Variants in MAF observed in about 807,000 individuals in gnomAD.
MAF encodes the protein transcription factor Maf.
MAF carries 10 observed loss-of-function variants against 22.0 expected under a neutral mutation model. That is an observed-to-expected ratio of 0.45 (90% confidence interval 0.28 to 0.77). The LOEUF (loss-of-function observed/expected upper bound fraction) is 0.77. Among genes scored for constraint, MAF ranks in the 30% least tolerant of loss-of-function variants. The probability of loss-of-function intolerance (pLI) is 0.12; values close to 1 mark genes in which losing one functional copy is unlikely to be tolerated. For synonymous variants in MAF, 337 were observed against 255.8 expected (o/e 1.32, Z -3.03); for missense variants, 544 against 548.4 (o/e 0.99, Z 0.08).
the MAF span, chr16:79,204,942 T>C: frequency 6.6e-6 from 1 of 152,322 alleles, no homozygotes. Flanking sequence ...GTCCACCTCT[T>C]AAAACTTCTT....
chr16:79,290,194 G>A, the MAF span, among the ~76,000 whole-genome samples: 6 of 152,244 alleles, frequency 3.9e-5, no homozygotes, highest in Non-Finnish European at 7.4e-5. Context: ...AAAACCCCAT[G>A]GGAGGGAAGC....
chr16:79,218,920 A>AC, the MAF span, among the ~76,000 whole-genome samples: 1 of 152,120 alleles, frequency 6.6e-6, no homozygotes, highest in Admixed American at 6.5e-5. Flanking sequence ...CAAAACTCAC[A>AC]CCCCAAGCCT....
chr16:79,289,733 G>T, the MAF span, among the ~76,000 whole-genome samples: 1 of 152,204 alleles, frequency 6.6e-6, no homozygotes, highest in African/African-American at 2.4e-5. Context: ...TTCTTCCAAG[G>T]TGTCACAACT....
chr16:79,299,865 C>T, the MAF span, among the ~76,000 whole-genome samples: 1 of 152,158 alleles, frequency 6.6e-6, no homozygotes, highest in Admixed American at 6.5e-5. Context: ...CTTTTTTCTG[C>T]TAAGCCACTC....
the MAF span, among the ~76,000 whole-genome samples, chr16:79,357,338 T>TACTCGGG: frequency 5.9e-5 from 9 of 152,148 alleles, no homozygotes; most frequent in African/African-American, 1.9e-4. Context: ...TAATCCCAGC[T>TACTCGGG]ACTCGGGAGG....
the MAF span, among the ~76,000 whole-genome samples, chr16:79,333,528 T>C: frequency 6.6e-6 from 1 of 152,318 alleles, no homozygotes; most frequent in South Asian, 2.1e-4. Context: ...AGGAGGCATT[T>C]ATGTCAATTT....
chr16:79,294,362 T>C, the MAF span, among the ~76,000 whole-genome samples: 7 of 152,172 alleles, frequency 4.6e-5, no homozygotes, highest in Non-Finnish European at 7.3e-5. Flanking sequence ...GTTTCTTTGA[T>C]CAATAGGGCT....
chr16:79,432,601 G>T, the MAF span, among the ~76,000 whole-genome samples: 14 of 152,262 alleles, frequency 9.2e-5, no homozygotes, highest in East Asian at 2.1e-3. Context: ...GATAAGGGGG[G>T]AACATTGTAT....
chr16:79,254,143 AG>A, the MAF span, among the ~76,000 whole-genome samples: 1 of 152,138 alleles, frequency 6.6e-6, no homozygotes, highest in Admixed American at 6.5e-5. Flanking sequence ...AAAAGTGTGT[AG>A]AAGCTGAATA....
At chr16:79,424,667 T>C in the MAF span, among the ~76,000 whole-genome samples, 2 of 152,162 alleles carry the variant, frequency 1.3e-5, no homozygotes, top group South Asian at 4.1e-4. Context: ...GCCAGCTGGA[T>C]CCTACCAACC....
At chr16:79,286,100 T>C in the MAF span, among the ~76,000 whole-genome samples, 2 of 152,230 alleles carry the variant, frequency 1.3e-5, no homozygotes, top group South Asian at 2.1e-4. Flanking sequence ...TCAATATTGA[T>C]AGGCATCTGG....
chr16:79,553,409 C>A, the MAF span, among the ~76,000 whole-genome samples: 1 of 152,258 alleles, frequency 6.6e-6, no homozygotes, highest in Non-Finnish European at 1.5e-5. Flanking sequence ...GCCCTGGAGG[C>A]TCCTGGAACC....
At chr16:79,216,715 C>T in the MAF span, among the ~76,000 whole-genome samples, 13 of 151,804 alleles carry the variant, frequency 8.6e-5, no homozygotes, top group Admixed American at 6.6e-4. Context: ...TGGGTTTAGA[C>T]GGTAACCCCA....
the MAF span, among the ~76,000 whole-genome samples, chr16:79,384,136 T>G: frequency 6.6e-6 from 1 of 152,164 alleles, no homozygotes; most frequent in Non-Finnish European, 1.5e-5. Context: ...GTATTCTATT[T>G]AAGCATTGTT....
chr16:79,373,572 G>A, the MAF span, among the ~76,000 whole-genome samples: 1,285 of 151,546 alleles, frequency 8.5e-3, 17 homozygotes, highest in African/African-American at 0.028. Context: ...TAGTAGAGAC[G>A]GGGTTTTACC....
the MAF span, among the ~76,000 whole-genome samples, chr16:79,375,351 T>A: frequency 2.0e-5 from 3 of 152,206 alleles, no homozygotes; most frequent in Non-Finnish European, 2.9e-5. Flanking sequence ...CACATTGTTG[T>A]TCTTCATCAT....
At chr16:79,587,419 A>T (rs2143705203) in intron 1 of MAF, among the ~76,000 whole-genome samples, 1 of 147,416 alleles carries the variant, frequency 6.8e-6, no homozygotes, top group African/African-American at 2.5e-5. Context: ...AACTTCCCCG[A>T]TAGGATTACT....
At chr16:79,267,894 G>T in the MAF span, among the ~76,000 whole-genome samples, 5 of 152,066 alleles carry the variant, frequency 3.3e-5, no homozygotes, top group Admixed American at 3.3e-4. Context: ...GGGTGGGCTG[G>T]GGAATACTCC....
Position 79,600,150 on chromosome 16 carries a change from CG to C in MAF, c.-249del. 2 of 468,708 alleles carry C rather than the reference CG, an allele frequency of 4.3e-6. No homozygotes were observed. The highest frequency in any genetic ancestry group is 6.6e-5 in the South Asian group (2 of 30,516). The allele number at this position is 468,708 out of a possible 1,614,324, so 29.0% of individuals were successfully genotyped here. A position where few individuals can be genotyped will look rare whatever the true frequency, so the allele number is the denominator to read the frequency against. On this transcript the variant is annotated 5_prime_UTR_variant, in exon 1 of 2. Coordinates refer to ENST00000326043, the MANE Select transcript of MAF (RefSeq NM_005360.5). ...CGCCAATGTGCTCCCTCGCTCGCCC[CG>C]GCCCCTCCTTGCTCGCTCGCCTCCT...
Sources: allele counts gnomAD v4.1 joint callset (sites outside exome capture counted in the v4.1 genomes callset), GRCh38; gene constraint gnomAD v4.1.1; transcripts MANE v1.5; gene names NCBI Gene and HGNC (gene_info 2026-07-23, HGNC 2026-07-21).